The following MAML2 variants were observed in gnomAD, a reference collection of about 807,000 sequenced individuals.
MAML2 encodes the protein mastermind-like protein 2.
Under a neutral mutation model 96.1 loss-of-function variants are expected in MAML2, and 22 were observed. The ratio of observed to expected loss-of-function variants is 0.23; its 90% CI spans 0.16 to 0.33. MAML2 has a LOEUF of 0.33. Ranked by LOEUF, MAML2 falls within the 10% of genes least tolerant of loss-of-function variation. The pLI is 1.00. For synonymous variants in MAML2, 561 were observed against 521.3 expected, an observed-to-expected ratio of 1.08 and a Z score of -1.04; for missense variants, 1,367 against 1,392.4, an observed-to-expected ratio of 0.98 and a Z score of 0.29.
chr11:96,313,589 C>T (rs1339955034), intron 1 of MAML2, among the ~76,000 whole-genome samples: 1 of 152,144 alleles, frequency 6.6e-6, no homozygotes, highest in Non-Finnish European at 1.5e-5. Flanking sequence ...GCCTTTCTCC[C>T]ATTAAAGACT....
chr11:96,030,695 C>T (rs1858599350), intron 2 of MAML2, among the ~76,000 whole-genome samples: 1 of 152,120 alleles, frequency 6.6e-6, no homozygotes, highest in African/African-American at 2.4e-5. Flanking sequence ...TATAGTGACC[C>T]AGTTCCAGAG....
At chr11:96,018,154 T>G (rs998683064) in intron 2 of MAML2, among the ~76,000 whole-genome samples, 2 of 152,016 alleles carry the variant, frequency 1.3e-5, no homozygotes. Context: ...TTGGCCTGAG[T>G]ATAGGGAAGT....
chr11:96,159,550 C>T (rs1220765378), intron 1 of MAML2, among the ~76,000 whole-genome samples: 1 of 151,728 alleles, frequency 6.6e-6, no homozygotes, highest in African/African-American at 2.4e-5. Flanking sequence ...CTCAGCCTCC[C>T]GAGTTGCTGG....
intron 1 of MAML2, among the ~76,000 whole-genome samples, chr11:96,246,821 G>A (rs1350981233): frequency 6.6e-6 from 1 of 152,092 alleles, no homozygotes; most frequent in Non-Finnish European, 1.5e-5. Flanking sequence ...GGAAACCGTT[G>A]TGGACACACA....
rs1462245066 is a variant in MAML2, at chr11:95,977,107, A to G, written c.*1841T>C. The stretch of plus-strand genomic sequence containing the variant: ...TTCAAAAGTTCCCACTCAACCACCT[A>G]TGGTTTAAGTGTAGAGCTAAAAATA... On this transcript the variant is annotated 3_prime_UTR_variant, in exon 5 of 5. Coordinates refer to ENST00000524717, the MANE Select transcript of MAML2 (RefSeq NM_032427.4). 1 of 197,472 alleles carries G rather than the reference A, an allele frequency of 5.1e-6. No individual in the cohort carries two copies. Among genetic ancestry groups the G allele is most frequent in the Non-Finnish European group, 1.0e-5 (1 of 95,314 alleles). 12.2% of individuals were successfully genotyped at this position (197,472 alleles called of 1,614,324 possible).
intron 1 of MAML2, among the ~76,000 whole-genome samples, chr11:96,184,009 C>G (rs548402348): frequency 3.3e-5 from 5 of 152,212 alleles, no homozygotes; most frequent in African/African-American, 1.2e-4. Flanking sequence ...ATGTGGAGGC[C>G]AAAAGTTTGC....
chr11:96,139,645 T>C (rs1039715022), intron 1 of MAML2, among the ~76,000 whole-genome samples: 2 of 152,008 alleles, frequency 1.3e-5, no homozygotes, highest in Non-Finnish European at 2.9e-5. Flanking sequence ...AGAAAGGTGA[T>C]TTGACAGCAG....
intron 1 of MAML2, among the ~76,000 whole-genome samples, chr11:96,219,943 TC>T (rs1030542951): frequency 6.6e-6 from 1 of 152,136 alleles, no homozygotes; most frequent in African/African-American, 2.4e-5. Flanking sequence ...TTATTTTTAA[TC>T]CCTCAGTAAA....
chr11:96,107,841 G>A (rs1005892887), intron 1 of MAML2, among the ~76,000 whole-genome samples: 7 of 152,214 alleles, frequency 4.6e-5, no homozygotes, highest in African/African-American at 9.7e-5. Context: ...GTGCCTAGAG[G>A]TAGGGCACCC....
intron 1 of MAML2, among the ~76,000 whole-genome samples, chr11:96,203,775 T>C (rs1486889767): frequency 3.3e-5 from 5 of 152,242 alleles, no homozygotes; most frequent in African/African-American, 9.6e-5. Context: ...CAGCCATGCA[T>C]GAAAATATTT....
chr11:96,136,427 CTA>C (rs1565225551), intron 1 of MAML2, among the ~76,000 whole-genome samples: 1 of 151,814 alleles, frequency 6.6e-6, no homozygotes, highest in Non-Finnish European at 1.5e-5. Context: ...TCACAAATGT[CTA>C]TTTAGCATCC....
At chr11:96,225,355 T>C (rs1862196561) in intron 1 of MAML2, among the ~76,000 whole-genome samples, 1 of 152,214 alleles carries the variant, frequency 6.6e-6, no homozygotes, top group African/African-American at 2.4e-5. Context: ...GTCAACAGCC[T>C]TTGGAAGCAG....
intron 2 of MAML2, among the ~76,000 whole-genome samples, chr11:96,042,507 G>A (rs1455657329): frequency 1.3e-5 from 2 of 150,444 alleles, no homozygotes; most frequent in Non-Finnish European, 2.9e-5. Flanking sequence ...AAACCCATAC[G>A]TAACCATGTC....
intron 3 of MAML2, among the ~76,000 whole-genome samples, chr11:95,991,164 T>A (rs1253267546): frequency 6.6e-6 from 1 of 152,156 alleles, no homozygotes; most frequent in Non-Finnish European, 1.5e-5. Context: ...TAAAATCAGT[T>A]TGGATTTGAG....
intron 1 of MAML2, among the ~76,000 whole-genome samples, chr11:96,226,252 C>T (rs1484247522): frequency 2.0e-5 from 3 of 152,252 alleles, no homozygotes; most frequent in African/African-American, 7.2e-5. Flanking sequence ...AGACTCTGGG[C>T]CAATTACAGT....
intron 2 of MAML2, among the ~76,000 whole-genome samples, chr11:95,997,621 C>T (rs1231245676): frequency 2.6e-5 from 4 of 152,076 alleles, no homozygotes; most frequent in African/African-American, 9.7e-5. Context: ...CTAAAACAAA[C>T]AACATTTTTA....
chr11:96,016,483 T>G (rs745606872), intron 2 of MAML2, among the ~76,000 whole-genome samples: 1 of 152,188 alleles, frequency 6.6e-6, no homozygotes, highest in African/African-American at 2.4e-5. Context: ...CCCTCCACCA[T>G]GCCTCTCACA....
At chr11:96,091,328 C>T (rs1408400214) in intron 2 of MAML2, among the ~76,000 whole-genome samples, 1 of 152,206 alleles carries the variant, frequency 6.6e-6, no homozygotes, top group South Asian at 2.1e-4. Context: ...CCTTTCCTTA[C>T]TGTGCTTGCA....
intron 1 of MAML2, among the ~76,000 whole-genome samples, chr11:96,205,057 T>C (rs1384537178): frequency 6.6e-6 from 1 of 152,224 alleles, no homozygotes; most frequent in East Asian, 1.9e-4. Context: ...GCCTGTACTT[T>C]CCTGGCGTAA....
Sources: allele counts gnomAD v4.1 joint callset (sites outside exome capture counted in the v4.1 genomes callset), GRCh38; gene constraint gnomAD v4.1.1; transcripts MANE v1.5; gene names NCBI Gene and HGNC (gene_info 2026-07-23, HGNC 2026-07-21).